AFF2: variants seen among roughly 807,000 people sequenced by gnomAD.
The protein encoded by AFF2 is AF4/FMR2 family member 2.
In AFF2, 14 loss-of-function variants were observed where a neutral mutation model predicts 76.9. That is an observed-to-expected ratio of 0.18 (90% CI 0.12 to 0.28). AFF2 has a LOEUF of 0.28. AFF2 is among the 10% of genes least tolerant of loss of function. The pLI, the probability that AFF2 is intolerant of heterozygous loss-of-function variation, is 1.00. For synonymous variants in AFF2, 398 were observed against 366.7 expected (o/e 1.09, Z -0.98); for missense variants, 868 against 1,001.1 (o/e 0.87, Z 1.79).
At chrX:148,724,811 C>T (rs1399427754) in intron 3 of AFF2, among the ~76,000 whole-genome samples, 13 of 112,398 alleles carry the variant, frequency 1.2e-4, no homozygotes, top group African/African-American at 3.9e-4. Flanking sequence ...TAACGCTAAG[C>T]GCTTTAGTAG....
At position 148,597,153 on chromosome X, in the gene AFF2, C is replaced by A. The variant is rs1034990760; in HGVS notation, c.48-54846C>A. 8.1e-5 allele frequency among the ~76,000 whole-genome samples: 9 copies of A among 111,320 alleles called. No individual in the cohort carries two copies. In the South Asian group the frequency reaches 1.9e-3, roughly 23 times the overall value. The stretch of plus-strand genomic sequence containing the variant: ...TTACCAAAAACCTCTGCTTGTGGGG[C>A]CTTGCAACAAAGAGGAGAATGTTTA... On this transcript the variant is annotated intron_variant, in intron 1 of 20. Coordinates refer to ENST00000370460, the MANE Select transcript of AFF2 (RefSeq NM_002025.4).
chrX:148,990,064 T>C (rs1448167093), intron 20 of AFF2, among the ~76,000 whole-genome samples: 1 of 112,323 alleles, frequency 8.9e-6, no homozygotes, highest in Admixed American at 9.4e-5. Flanking sequence ...TAGGAAAATA[T>C]TTTAGATGCC....
chrX:148,892,969 A>G (rs781842837), intron 8 of AFF2, among the ~76,000 whole-genome samples: 2 of 112,364 alleles, frequency 1.8e-5, no homozygotes, highest in Admixed American at 9.4e-5. Flanking sequence ...CAGATGGATT[A>G]GGATGAAACT....
chrX:148,953,445 C>T (rs2071993084), intron 9 of AFF2, 135 bp from the exon 10 acceptor site: 8 of 688,241 alleles, frequency 1.2e-5, no homozygotes, highest in Middle Eastern at 4.4e-4. Flanking sequence ...CCTCACGTTT[C>T]CTATCTATAA....
chrX:148,783,804 T>G (rs2069776574), intron 3 of AFF2, among the ~76,000 whole-genome samples: 1 of 111,819 alleles, frequency 8.9e-6, no homozygotes, highest in Admixed American at 9.5e-5. Context: ...AGGGCAGACT[T>G]GCAGAAGTAT....
intron 3 of AFF2, among the ~76,000 whole-genome samples, chrX:148,744,042 A>G (rs1232077112): frequency 9.0e-6 from 1 of 111,263 alleles, no homozygotes; most frequent in Non-Finnish European, 1.9e-5. Flanking sequence ...CAGCCCAAGG[A>G]ATCATATCTC....
chrX:148,953,005 C>G (rs73614045), intron 9 of AFF2, among the ~76,000 whole-genome samples: 16,399 of 110,392 alleles, frequency 0.15, 2,083 homozygotes, highest in African/African-American at 0.42. Context: ...GGGCCAGGGT[C>G]CTAGGTGCTA....
chrX:148,610,211 C>T (rs2053714873), intron 1 of AFF2, among the ~76,000 whole-genome samples: 1 of 110,938 alleles, frequency 9.0e-6, no homozygotes, highest in South Asian at 3.8e-4. Flanking sequence ...AGTTCTTTCC[C>T]CTACTATTAA....
At chrX:148,874,001 G>A in intron 7 of AFF2, among the ~76,000 whole-genome samples, 2 of 111,562 alleles carry the variant, frequency 1.8e-5, no homozygotes, top group Non-Finnish European at 3.8e-5. Context: ...AGTTCTTTCT[G>A]ATTCTATCTA....
intron 1 of AFF2, among the ~76,000 whole-genome samples, chrX:148,565,090 G>A (rs1400373001): frequency 9.0e-6 from 1 of 111,710 alleles, no homozygotes. Flanking sequence ...GGGCATGGTA[G>A]GAGAAAATTA....
At chrX:148,821,226 T>C (rs1557272520) in intron 4 of AFF2, among the ~76,000 whole-genome samples, 1 of 111,564 alleles carries the variant, frequency 9.0e-6, no homozygotes, top group African/African-American at 3.3e-5. Context: ...CTCAGAATTA[T>C]AGGGACAATT....
intron 11 of AFF2, among the ~76,000 whole-genome samples, chrX:148,956,908 A>T (rs2072048740): frequency 8.8e-6 from 1 of 113,015 alleles, no homozygotes. Context: ...AAGTGCCCTC[A>T]ATGTCCAAAT....
At chrX:148,862,393 C>A (rs2070858513) in intron 7 of AFF2, among the ~76,000 whole-genome samples, 1 of 110,307 alleles carries the variant, frequency 9.1e-6, no homozygotes, top group Non-Finnish European at 1.9e-5. Context: ...TGCAAACACG[C>A]ATAACATTAG....
At chrX:148,751,484 C>G (rs1361870908) in intron 3 of AFF2, among the ~76,000 whole-genome samples, 2 of 112,205 alleles carry the variant, frequency 1.8e-5, no homozygotes, top group Non-Finnish European at 3.8e-5. Context: ...TATGCACAAT[C>G]TTATGATGCC....
chrX:148,829,696 G>A (rs1319624064), intron 4 of AFF2, among the ~76,000 whole-genome samples: 1 of 112,249 alleles, frequency 8.9e-6, no homozygotes, highest in African/African-American at 3.2e-5. Context: ...AAGCAGTACA[G>A]ATGATTCACA....
chrX:148,975,876 G>A (rs1264387603), intron 16 of AFF2, among the ~76,000 whole-genome samples: 1 of 85,765 alleles, frequency 1.2e-5, no homozygotes, highest in Non-Finnish European at 2.3e-5. Flanking sequence ...CCCGGGAGGC[G>A]GAGCTTGCAG....
chrX:148,658,321 A>G (rs1557257380), intron 2 of AFF2, among the ~76,000 whole-genome samples: 1 of 112,127 alleles, frequency 8.9e-6, no homozygotes, highest in African/African-American at 3.2e-5. Flanking sequence ...AGTGAACTCA[A>G]CCTTGAACTG....
chrX:148,874,121 A>G (rs1464241042), intron 7 of AFF2, among the ~76,000 whole-genome samples: 2 of 111,519 alleles, frequency 1.8e-5, no homozygotes, highest in Non-Finnish European at 3.8e-5. Flanking sequence ...CTGAAGCCAA[A>G]TCAGGAAAGA....
intron 1 of AFF2, among the ~76,000 whole-genome samples, chrX:148,562,550 A>T (rs139878947): frequency 8.9e-6 from 1 of 111,988 alleles, no homozygotes; most frequent in African/African-American, 3.2e-5. Context: ...TCATTAAAAC[A>T]ATCTGTCTAA....
Sources: allele counts gnomAD v4.1 joint callset (sites outside exome capture counted in the v4.1 genomes callset), GRCh38; gene constraint gnomAD v4.1.1; transcripts MANE v1.5; gene names NCBI Gene and HGNC (gene_info 2026-07-23, HGNC 2026-07-21).